EPHA4: variants seen among roughly 807,000 people sequenced by gnomAD.
EPHA4 encodes the protein EPH receptor A4, also known as ephrin type-A receptor 4.
EPHA4 carries 19 observed loss-of-function variants against 108.3 expected under a neutral mutation model. The observed-to-expected ratio is 0.18, with a 90% CI of 0.12 to 0.26. The LOEUF is 0.26. EPHA4 is among the 10% of genes least tolerant of loss of function. EPHA4 has a pLI of 1.00. For missense variants in EPHA4, 917 were observed against 1,254.0 expected, an observed-to-expected ratio of 0.73 and a Z score of 4.06; for synonymous variants, 449 against 455.5, an observed-to-expected ratio of 0.99 and a Z score of 0.18.
chr2:221,522,785 C>T lies in EPHA4; in HGVS notation c.824-21613G>A, dbSNP rs192208656. ...TATTATTATTATTATTTTTTTGAGA[C>T]GGAGTCTCCCTCAGTTGCCCAGGCT... On this transcript the variant is annotated intron_variant, in intron 3 of 17. Transcript: ENST00000281821. Among the ~76,000 whole-genome samples the T allele has an allele frequency of 6.0e-3, 908 of 151,020 alleles. 5 individuals are homozygous for T. Among genetic ancestry groups the T allele is most frequent in the African/African-American group, 0.02 (824 of 41,138 alleles).
At chr2:221,493,541 A>G (rs963118705) in intron 4 of EPHA4, among the ~76,000 whole-genome samples, 1 of 152,180 alleles carries the variant, frequency 6.6e-6, no homozygotes, top group Admixed American at 6.5e-5. Context: ...TTTGCATTCA[A>G]ATTTTCACAA....
At chr2:221,510,264 C>T (rs1692786925) in intron 3 of EPHA4, among the ~76,000 whole-genome samples, 1 of 152,156 alleles carries the variant, frequency 6.6e-6, no homozygotes, top group African/African-American at 2.4e-5. Flanking sequence ...TAACTCATAG[C>T]ATCTGCAGTT....
chr2:221,564,240 A>G lies in EPHA4; in HGVS notation c.314T>C (p.Leu105Ser), dbSNP rs1694557283. The change falls in exon 3 of 18, where the codon TTG becomes TCG. Residue 105 changes from leucine (L) to serine (S), a missense_variant. Physicochemically the swap from Leu to Ser is moderately radical, Grantham distance 145. This residue lies in a region of EPHA4 where 758 missense variants were observed against 1,076.7 expected (regional missense o/e 0.70). Coordinates refer to ENST00000281821, the MANE Select transcript of EPHA4 (RefSeq NM_004438.5). The part of the protein sequence containing the change: ...QRVYIEIKFT[L>S]RDCNSLPGVM... Reference sequence around the variant, plus strand: ...GCCCGGAAGACTATTGCAGTCCCTCAAGGTGAATTTAATCTCAATATACAC... The same window carrying G: ...GCCCGGAAGACTATTGCAGTCCCTCGAGGTGAATTTAATCTCAATATACAC... 1 of 1,614,020 alleles carries G rather than the reference A, an allele frequency of 6.2e-7. No homozygotes were observed. The highest frequency in any genetic ancestry group is 1.3e-5 in the African/African-American group (1 of 74,910).
rs2106138564 is a variant in EPHA4 at position 221,479,538 on chromosome 2, A to G, written c.1318+2814T>C. Among the ~76,000 whole-genome samples the G allele has an allele frequency of 1.3e-5, 2 of 152,334 alleles. 1 individual carries two copies. The highest frequency in any genetic ancestry group is 4.8e-5 in the African/African-American group (2 of 41,574). On this transcript the variant is annotated intron_variant, in intron 5 of 17. Coordinates refer to ENST00000281821, the MANE Select transcript of EPHA4 (RefSeq NM_004438.5). ...CCATTGCCTATAGTGGTCCTCAAGG[A>G]ATTTAATTTAATGAAATGATAGGAG...
intron 8 of EPHA4, among the ~76,000 whole-genome samples, chr2:221,454,911 G>C (rs1690896247): frequency 6.6e-6 from 1 of 152,106 alleles, no homozygotes; most frequent in Non-Finnish European, 1.5e-5. Context: ...TTTGCTCAAG[G>C]GATAATCTCT....
At chr2:221,432,857 C>T (rs1270597033) in intron 14 of EPHA4, among the ~76,000 whole-genome samples, 2 of 117,930 alleles carry the variant, frequency 1.7e-5, no homozygotes, top group Non-Finnish European at 3.3e-5. Flanking sequence ...CGGAGTCTTA[C>T]TCTTTCGCCC....
intron 4 of EPHA4, among the ~76,000 whole-genome samples, chr2:221,498,769 A>T (rs1042059539): frequency 1.3e-5 from 2 of 150,200 alleles, no homozygotes; most frequent in African/African-American, 4.9e-5. Flanking sequence ...GAAAGGCACC[A>T]GTCCTGGCTA....
At chr2:221,508,540 C>T (rs1038977346) in intron 3 of EPHA4, among the ~76,000 whole-genome samples, 1 of 149,664 alleles carries the variant, frequency 6.7e-6, no homozygotes, top group Non-Finnish European at 1.5e-5. Context: ...GATCATGCCA[C>T]TGCACTCCAG....
intron 3 of EPHA4, among the ~76,000 whole-genome samples, chr2:221,503,127 G>A (rs1328040669): frequency 2.0e-5 from 3 of 152,158 alleles, no homozygotes; most frequent in Admixed American, 6.6e-5. Context: ...ACTGGGTCCC[G>A]CCTGTCACTC....
chr2:221,446,010 ATATAT>A (rs1356331254), intron 9 of EPHA4, 108 bp downstream of exon 9: 17 of 486,514 alleles, frequency 3.5e-5, no homozygotes, highest in South Asian at 1.3e-4. Flanking sequence ...TAAGGAATAA[ATATAT>A]TATATTATAT....
chr2:221,489,324 T>A (rs898147433), intron 4 of EPHA4, among the ~76,000 whole-genome samples: 1 of 152,224 alleles, frequency 6.6e-6, no homozygotes, highest in African/African-American at 2.4e-5. Flanking sequence ...TAACGTGCCA[T>A]ATAAACCTAA....
chr2:221,536,681 A>C (rs985240823), intron 3 of EPHA4, among the ~76,000 whole-genome samples: 1 of 152,236 alleles, frequency 6.6e-6, no homozygotes, highest in African/African-American at 2.4e-5. Context: ...TGATTGAAAC[A>C]TAATGTGAGA....
intron 3 of EPHA4, among the ~76,000 whole-genome samples, chr2:221,535,072 G>A (rs1418428154): frequency 6.6e-6 from 1 of 152,190 alleles, no homozygotes; most frequent in Non-Finnish European, 1.5e-5. Flanking sequence ...GAAATAAGCA[G>A]CACTATTCTC....
intron 1 of EPHA4, among the ~76,000 whole-genome samples, chr2:221,570,336 G>A (rs552662247): frequency 5.0e-4 from 76 of 151,962 alleles, no homozygotes; most frequent in African/African-American, 1.4e-3. Context: ...CAAAAAAAGA[G>A]GGGGTTTAAA....
chr2:221,485,528 A>G (rs990670401), intron 4 of EPHA4, among the ~76,000 whole-genome samples: 2 of 152,298 alleles, frequency 1.3e-5, no homozygotes, highest in East Asian at 3.9e-4. Flanking sequence ...TCGAAATTGG[A>G]GTATAACGAA....
At chr2:221,564,887 CAAAAAAAAAAAAA>C (rs1233305564) in intron 2 of EPHA4, among the ~76,000 whole-genome samples, 1 of 73,066 alleles carries the variant, frequency 1.4e-5, no homozygotes, top group Non-Finnish European at 2.9e-5. Context: ...TCTAATACCT[CAAAAAAAAAAAAA>C]AAAAAAAAAA....
chr2:221,508,353 C>G lies in EPHA4; in HGVS notation c.824-7181G>C, dbSNP rs574509777. 6.8e-4 allele frequency among the ~76,000 whole-genome samples: 104 copies of G among 152,208 alleles called. 1 individual carries two copies. The highest frequency in any genetic ancestry group is 2.4e-3 in the African/African-American group (100 of 41,542). ...CAGCACTTTGGGAGGTCAAGGCAGA[C>G]TGATCACCTGAGGTCAGAAGCTTGA... On this transcript the variant is annotated intron_variant, in intron 3 of 17. Coordinates refer to ENST00000281821, the MANE Select transcript of EPHA4 (RefSeq NM_004438.5).
rs1689717495 is a variant in EPHA4, at chr2:221,420,251, C to CTGTG, written c.*1120_*1121insCACA. The stretch of plus-strand genomic sequence containing the variant: ...ACATATAAATAAAACCGCAAAGAGT[C>CTGTG]TGGGGCAAGGGCTCTGCAGAGCTGG... On this transcript the variant is annotated 3_prime_UTR_variant, in exon 18 of 18. Coordinates refer to ENST00000281821, the MANE Select transcript of EPHA4 (RefSeq NM_004438.5). 2 of 152,584 alleles carry CTGTG rather than the reference C, an allele frequency of 1.3e-5. No individual in the cohort carries two copies. The highest frequency in any genetic ancestry group is 4.8e-5 in the African/African-American group (2 of 41,418). 9.5% of individuals were successfully genotyped at this position (152,584 alleles called of 1,614,324 possible).
chr2:221,566,896 G>A (rs368850762), intron 2 of EPHA4, among the ~76,000 whole-genome samples: 2,577 of 32,506 alleles, frequency 0.079, 224 homozygotes, highest in African/African-American at 0.12. Flanking sequence ...GAAGGAGAAG[G>A]AGAAGGAGAA....
Sources: gnomAD v4.1 joint callset for allele counts (sites outside exome capture counted in the v4.1 genomes callset) on GRCh38, gnomAD v4.1.1 for gene constraint, gnomAD v4.1.1 regional missense constraint, MANE v1.5 for transcripts, NCBI Gene and HGNC (gene_info 2026-07-23, HGNC 2026-07-21) for gene names.